MOCS1: variants seen among roughly 807,000 people sequenced by gnomAD.
The protein encoded by MOCS1 is molybdenum cofactor synthesis 1, also known as molybdenum cofactor biosynthesis protein 1.
MOCS1 carries 39 observed loss-of-function variants against 57.6 expected under a neutral mutation model. That is an observed-to-expected ratio of 0.68 (90% CI 0.52 to 0.88). MOCS1 has a LOEUF of 0.88. Among genes scored for constraint, MOCS1 ranks in the 40% least tolerant of loss-of-function variants. The pLI, the probability that MOCS1 is intolerant of heterozygous loss-of-function variation, is 0.00. For missense variants in MOCS1, 795 were observed against 831.1 expected (o/e 0.96, Z 0.53); for synonymous variants, 334 against 335.7 (o/e 1.00, Z 0.05).
intron 3 of MOCS1, among the ~76,000 whole-genome samples, chr6:39,919,744 G>A (rs1302615866): frequency 1.3e-5 from 2 of 152,046 alleles, no homozygotes; most frequent in Admixed American, 6.6e-5. Context: ...GATTTATGGA[G>A]GAAGTAAGGA....
intron 8 of MOCS1, among the ~76,000 whole-genome samples, chr6:39,911,555 A>G (rs915364642): frequency 3.3e-5 from 5 of 152,158 alleles, no homozygotes; most frequent in Admixed American, 2.6e-4. Flanking sequence ...GCAGCACACT[A>G]TTGTCCACAG....
In MOCS1 at chr6:39,927,387, G is replaced by A; in HGVS notation, c.192C>T (p.Ser64=). Reference sequence around the variant, plus strand: ...GCAGGTAGCTGTGCTGCCGGCCGAAGCTGTCTGTGAGGAAGGCGGAGAAGG... The same window carrying A: ...GCAGGTAGCTGTGCTGCCGGCCGAAACTGTCTGTGAGGAAGGCGGAGAAGG... The part of the protein sequence containing the change: ...AAPFSAFLTD[S]FGRQHSYLRI... Residue 64 remains serine (S), a synonymous_variant, in exon 2 of 11, where the codon AGC becomes AGT. Transcript: ENST00000340692. 1 of 1,612,792 alleles carries A rather than the reference G, an allele frequency of 6.2e-7. No individual in the cohort carries two copies. Among genetic ancestry groups the A allele is most frequent in the Non-Finnish European group, 8.5e-7 (1 of 1,179,876 alleles).
Position 39,925,864 on chromosome 6 carries a change from G to C in MOCS1, c.251-19C>G. On this transcript the variant is annotated intron_variant, in intron 2 of 10. Coordinates refer to ENST00000340692, the MANE Select transcript of MOCS1 (RefSeq NM_001358530.2). ...TACTGACCTGAGGGAAGGATGAATG[G>C]GAATGTGGAGGGAGGAAAGAGGCAC... 1.2e-6 allele frequency: 2 copies of C among 1,600,810 alleles called. No homozygotes were observed. Among genetic ancestry groups the C allele is most frequent in the Non-Finnish European group, 1.7e-6 (2 of 1,171,788 alleles).
At chr6:39,927,695 C>G in intron 1 of MOCS1, 1 of 1,539,074 alleles carries the variant, frequency 6.5e-7, no homozygotes, top group Non-Finnish European at 8.7e-7. Context: ...GGATGGTGAT[C>G]TCTACTGGGA....
intron 3 of MOCS1, among the ~76,000 whole-genome samples, chr6:39,921,378 G>A (rs555361420): frequency 1.9e-4 from 28 of 149,860 alleles, no homozygotes; most frequent in African/African-American, 4.9e-4. Context: ...CAGCCTGGGC[G>A]ACAGAGCAAG....
intron 1 of MOCS1, among the ~76,000 whole-genome samples, chr6:39,929,841 C>G (rs1768550763): frequency 1.3e-5 from 2 of 148,554 alleles, no homozygotes. Context: ...ACTCGGGAGG[C>G]TGAGGCAAGA....
In MOCS1 at chr6:39,904,583, A is replaced by AAATG. The variant is rs1491560446; in HGVS notation, c.*1773_*1774insCATT. On this transcript the variant is annotated 3_prime_UTR_variant, in exon 11 of 11. Transcript: ENST00000340692. ...AGCATTTCTCCCCTGTGATGGAAAT[A>AAATG]AAGTGTTTAGGGCAGTGGGAGGAGA... 2 of 454,240 alleles carry AAATG rather than the reference A, an allele frequency of 4.4e-6. No individual in the cohort carries two copies. Among genetic ancestry groups the AAATG allele is most frequent in the East Asian group, 1.4e-4 (2 of 14,382 alleles). The allele number at this position is 454,240 out of a possible 1,614,324, so 28.1% of individuals were successfully genotyped here.
At chr6:39,924,337 G>A (rs894224311) in intron 3 of MOCS1, among the ~76,000 whole-genome samples, 2 of 152,152 alleles carry the variant, frequency 1.3e-5, no homozygotes, top group Non-Finnish European at 2.9e-5. Flanking sequence ...TTCATTCAGC[G>A]AATTTCAGGG....
At chr6:39,914,711 AG>A (rs1331915736) in intron 4 of MOCS1, among the ~76,000 whole-genome samples, 1 of 152,126 alleles carries the variant, frequency 6.6e-6, no homozygotes, top group African/African-American at 2.4e-5. Flanking sequence ...GAGAGGGTAA[AG>A]GGAAAAATGT....
intron 3 of MOCS1, among the ~76,000 whole-genome samples, chr6:39,921,255 C>T (rs956265277): frequency 2.6e-5 from 4 of 151,484 alleles, no homozygotes; most frequent in Non-Finnish European, 5.9e-5. Context: ...AAAAATTAGC[C>T]AGGCATGGTG....
At position 39,904,810 on chromosome 6, in the gene MOCS1, C is replaced by CT. The variant is rs890413652; in HGVS notation, c.*1546dup. On this transcript the variant is annotated 3_prime_UTR_variant, in exon 11 of 11. Transcript: ENST00000340692. Reference sequence around the variant, plus strand: ...CTACAGTGTCCTTTTTCACTTGCACCTTTTTTATAAGAATATATTGTAATA... The same window carrying CT: ...CTACAGTGTCCTTTTTCACTTGCACCTTTTTTTATAAGAATATATTGTAATA... The CT allele has an allele frequency of 1.1e-5, 5 of 453,916 alleles. No individual in the cohort carries two copies. The highest frequency in any genetic ancestry group is 8.0e-5 in the African/African-American group (4 of 49,968). The allele number at this position is 453,916 out of a possible 1,614,324, so 28.1% of individuals were successfully genotyped here.
At position 39,915,974 on chromosome 6, in the gene MOCS1, G is replaced by A. The variant is rs370836819; in HGVS notation, c.583+94C>T. On this transcript the variant is annotated intron_variant, in intron 4 of 10. Coordinates refer to ENST00000340692, the MANE Select transcript of MOCS1 (RefSeq NM_001358530.2). ...TTACTGATAGCCCAGACACCAAGAG[G>A]AAGTGACCAGGCCCCTGGCTCAGCA... is the stretch of plus-strand genomic sequence containing the variant. The A allele has an allele frequency of 4.0e-4, 548 of 1,381,698 alleles. No individual in the cohort carries two copies. In the East Asian group the frequency reaches 0.012, roughly 31 times the overall value. 85.6% of individuals were successfully genotyped at this position (1,381,698 alleles called of 1,614,324 possible).
Position 39,905,694 on chromosome 6 carries a change from T to C in MOCS1, c.*663A>G. ...CAGGAGTCCTTAGGGCTATGGCCCA[T>C]GTGTGCACATCCTGTTTCAGAAGAG... On this transcript the variant is annotated 3_prime_UTR_variant, in exon 11 of 11. Transcript: ENST00000340692. 1 of 471,138 alleles carries C rather than the reference T, an allele frequency of 2.1e-6. No individual in the cohort carries two copies. The highest frequency in any genetic ancestry group is 4.4e-6 in the Non-Finnish European group (1 of 227,054). The allele number at this position is 471,138 out of a possible 1,614,324, so 29.2% of individuals were successfully genotyped here. A position where few individuals can be genotyped will look rare whatever the true frequency, so the allele number is the denominator to read the frequency against.
intron 3 of MOCS1, among the ~76,000 whole-genome samples, chr6:39,921,721 G>A (rs1377439100): frequency 2.0e-5 from 3 of 152,142 alleles, no homozygotes; most frequent in Non-Finnish European, 4.4e-5. Context: ...GCGAGGAATG[G>A]AAGGAAAGAA....
In MOCS1 at chr6:39,904,915, T is replaced by A. The variant is rs548833386; in HGVS notation, c.*1442A>T. 1 of 454,106 alleles carries A rather than the reference T, an allele frequency of 2.2e-6. No homozygotes were observed. 28.1% of individuals were successfully genotyped at this position (454,106 alleles called of 1,614,324 possible). ...CTTCTTCCTATGAGGGGATCTGGGG[T>A]GGGCTGAGAGTGTGCTGGAGCCAGC... On this transcript the variant is annotated 3_prime_UTR_variant, in exon 11 of 11. Coordinates refer to ENST00000340692, the MANE Select transcript of MOCS1 (RefSeq NM_001358530.2).
chr6:39,913,828 G>A lies in MOCS1; in HGVS notation c.591C>T (p.His197=). 3.7e-6 allele frequency: 6 copies of A among 1,614,202 alleles called. No homozygotes were observed. The highest frequency in any genetic ancestry group is 5.1e-6 in the Non-Finnish European group (6 of 1,180,032). ...CCTTGTGGATGCCCTCCATGACCTTGTGGAAGCCTGGGAGGGAGAAACAAG... is the reference window on the plus strand; with the variant it reads ...CCTTGTGGATGCCCTCCATGACCTTATGGAAGCCTGGGAGGGAGAAACAAG... ...FEFIVRRKGF[H]KVMEGIHKAI... The change falls in exon 5 of 11, where the codon CAC becomes CAT. Residue 197 remains histidine (H), a synonymous_variant. Coordinates refer to ENST00000340692, the MANE Select transcript of MOCS1 (RefSeq NM_001358530.2).
intron 3 of MOCS1, among the ~76,000 whole-genome samples, chr6:39,919,550 A>G (rs1417976812): frequency 6.6e-6 from 1 of 152,176 alleles, no homozygotes; most frequent in African/African-American, 2.4e-5. Context: ...GCTGATTTCA[A>G]AATTTACATG....
chr6:39,909,025 T>A, intron 10 of MOCS1, 30 bp downstream of exon 10: 1 of 1,601,330 alleles, frequency 6.2e-7, no homozygotes, highest in Non-Finnish European at 8.5e-7. Context: ...ATGACAAGGG[T>A]GAGTGGTTAC....
rs545260208 is a variant in MOCS1, at chr6:39,905,649, G to A, written c.*708C>T. 4.0e-5 allele frequency: 19 copies of A among 471,218 alleles called. No homozygotes were observed. Among genetic ancestry groups the A allele is most frequent in the East Asian group, 3.5e-4 (5 of 14,404 alleles). The allele number at this position is 471,218 out of a possible 1,614,324, so 29.2% of individuals were successfully genotyped here. On this transcript the variant is annotated 3_prime_UTR_variant, in exon 11 of 11. Coordinates refer to ENST00000340692, the MANE Select transcript of MOCS1 (RefSeq NM_001358530.2). Reference sequence around the variant, plus strand: ...GTGGAACAGCCGTGAACAGGGCCAGGTGTGGGCTGTGTGGTCTGGCAGGAG... The same window carrying A: ...GTGGAACAGCCGTGAACAGGGCCAGATGTGGGCTGTGTGGTCTGGCAGGAG...
Sources: gnomAD v4.1 joint callset for allele counts (sites outside exome capture counted in the v4.1 genomes callset) on GRCh38, gnomAD v4.1.1 for gene constraint, MANE v1.5 for transcripts, NCBI Gene and HGNC (gene_info 2026-07-23, HGNC 2026-07-21) for gene names.